ATF3: variants seen among roughly 807,000 people sequenced by gnomAD.
The protein encoded by ATF3 is activating transcription factor 3.
ATF3 carries 10 observed loss-of-function variants against 18.4 expected under a neutral mutation model. The ratio of observed to expected loss-of-function variants is 0.54; its 90% confidence interval spans 0.34 to 0.92. The LOEUF is 0.92. Ranked by LOEUF, ATF3 falls within the 40% of genes least tolerant of loss-of-function variation. The pLI is 0.02. For synonymous variants in ATF3, 78 were observed against 87.9 expected (o/e 0.89, Z 0.63); for missense variants, 183 against 222.3 (o/e 0.82, Z 1.12).
At chr1:212,604,365 A>G (rs142703009), upstream of ATF3, among the ~76,000 whole-genome samples, 1 of 152,250 alleles carries the variant, frequency 6.6e-6, no homozygotes, top group Non-Finnish European at 1.5e-5. Flanking sequence ...AATATCTGCT[A>G]CCTGGGTTTT....
chr1:212,601,632 G>A (rs1654486739), intron 1 of ATF3, among the ~76,000 whole-genome samples: 2 of 152,164 alleles, frequency 1.3e-5, no homozygotes, highest in Admixed American at 6.5e-5. Context: ...TTATTATAAG[G>A]ATGAAATAAG....
At chr1:212,599,095 A>G (rs1278287750) in intron 1 of ATF3, among the ~76,000 whole-genome samples, 1 of 152,230 alleles carries the variant, frequency 6.6e-6, no homozygotes, top group African/African-American at 2.4e-5. Context: ...TACGAGGGTT[A>G]ACTTTTCTGC....
At chr1:212,574,481 T>C (rs1421021645) in intron 1 of ATF3, among the ~76,000 whole-genome samples, 1 of 152,058 alleles carries the variant, frequency 6.6e-6, no homozygotes, top group African/African-American at 2.4e-5. Context: ...TATAATATCT[T>C]TTCATTTTGT....
chr1:212,579,041 T>G (rs1664632944), intron 1 of ATF3, among the ~76,000 whole-genome samples: 1 of 134,912 alleles, frequency 7.4e-6, no homozygotes, highest in Non-Finnish European at 1.5e-5. Context: ...AGACAGAGTC[T>G]CACTCTGTTG....
In ATF3 at chr1:212,599,625, G is replaced by A. The variant is rs28604355; in HGVS notation, c.-4-15393G>A. Among the ~76,000 whole-genome samples, 60 of 152,230 alleles carry A rather than the reference G, an allele frequency of 3.9e-4. No homozygotes were observed. In the East Asian group the frequency reaches 0.011, roughly 27 times the overall value. ...ATCCCCAACATGCTGATGGCTAGGGGCCATTCCCTTCTTTGACATCCCACT... is the reference window on the plus strand; with the variant it reads ...ATCCCCAACATGCTGATGGCTAGGGACCATTCCCTTCTTTGACATCCCACT... On this transcript the variant is annotated intron_variant, in intron 1 of 3. Transcript: ENST00000366981.
chr1:212,607,065 C>G (rs922919149), upstream of ATF3, among the ~76,000 whole-genome samples: 3 of 152,070 alleles, frequency 2.0e-5, no homozygotes, highest in Non-Finnish European at 2.9e-5. Flanking sequence ...AACTCCAGGG[C>G]TCCCGGGTCC....
At chr1:212,609,487 C>T (rs540011815) in intron 1 of ATF3, among the ~76,000 whole-genome samples, 1 of 152,200 alleles carries the variant, frequency 6.6e-6, no homozygotes, top group East Asian at 1.9e-4. Context: ...GCGTCCCGGG[C>T]GCGGCCGCTG....
intron 1 of ATF3, among the ~76,000 whole-genome samples, chr1:212,590,205 T>G (rs2102633106): frequency 6.6e-6 from 1 of 152,220 alleles, no homozygotes; most frequent in South Asian, 2.1e-4. Flanking sequence ...TGTTTGTTAA[T>G]TCTAGTTTCA....
chr1:212,597,927 A>G (rs1654359508), intron 1 of ATF3, among the ~76,000 whole-genome samples: 1 of 152,196 alleles, frequency 6.6e-6, no homozygotes, highest in Non-Finnish European at 1.5e-5. Context: ...GGCACATGGT[A>G]GGCATTCAAG....
intron 1 of ATF3, among the ~76,000 whole-genome samples, chr1:212,589,741 A>G (rs1158776346): frequency 1.3e-5 from 2 of 151,888 alleles, no homozygotes; most frequent in Non-Finnish European, 1.5e-5. Context: ...TTGACCAAGA[A>G]ACTGTTTTTA....
At position 212,618,159 on chromosome 1, in the gene ATF3, G is replaced by C. The variant is rs2102664692; in HGVS notation, c.273G>C (p.Arg91Ser). 1 of 1,614,150 alleles carries C rather than the reference G, an allele frequency of 6.2e-7. No individual in the cohort carries two copies. The highest frequency in any genetic ancestry group is 2.2e-5 in the East Asian group (1 of 44,882). ...CTGAAGAAGATGAAAGGAAAAAGAG[G>C]CGACGAGAAAGAAATAAGATTGCAG... ...VAPEEDERKK[R>S]RRERNKIAAA... Residue 91 changes from arginine (R) to serine (S), a missense_variant, in exon 3 of 4, where the codon AGG becomes AGC. Arg to Ser is a moderately radical substitution (Grantham distance 110). Transcript: ENST00000341491. This position sits in a 1 kb window ranked among gnomAD's most constrained non-coding sequence, Gnocchi z 4.4.
At chr1:212,592,034 C>T (rs6659445) in intron 1 of ATF3, among the ~76,000 whole-genome samples, 40,919 of 152,000 alleles carry the variant, frequency 0.27, 6,118 homozygotes, top group African/African-American at 0.41. Flanking sequence ...TAACCATTTG[C>T]AAGTGTACAA....
At chr1:212,568,371 C>T (rs889206537) in intron 1 of ATF3, among the ~76,000 whole-genome samples, 19 of 152,078 alleles carry the variant, frequency 1.2e-4, no homozygotes, top group Non-Finnish European at 2.8e-4. Context: ...TTTATTAAGC[C>T]TCGTCTCTTG....
chr1:212,571,967 C>A (rs1166743569), intron 1 of ATF3, among the ~76,000 whole-genome samples: 5 of 152,028 alleles, frequency 3.3e-5, no homozygotes, highest in Non-Finnish European at 7.4e-5. Context: ...CCGGCTCGGC[C>A]TCCCAAAGTG....
At chr1:212,589,802 C>T (rs1293963428) in intron 1 of ATF3, among the ~76,000 whole-genome samples, 1 of 143,198 alleles carries the variant, frequency 7.0e-6, no homozygotes, top group Non-Finnish European at 1.5e-5. Context: ...TCTTGGTCAA[C>T]TTTTTTTTTT....
intron 2 of ATF3, 35 bp downstream of exon 2, chr1:212,615,296 C>T: frequency 6.2e-7 from 1 of 1,606,868 alleles, no homozygotes; most frequent in Non-Finnish European, 8.5e-7. Flanking sequence ...TCTTTCGGCA[C>T]ATGTTTCGCT....
intron 1 of ATF3, among the ~76,000 whole-genome samples, chr1:212,602,530 C>T (rs1310302181): frequency 1.3e-5 from 2 of 152,118 alleles, no homozygotes; most frequent in Admixed American, 6.5e-5. Flanking sequence ...TGGTAGGTAT[C>T]GTGGTTGCGC....
intron 1 of ATF3, among the ~76,000 whole-genome samples, chr1:212,580,106 C>G (rs983241011): frequency 6.6e-6 from 1 of 151,304 alleles, no homozygotes; most frequent in African/African-American, 2.4e-5. Flanking sequence ...TGCAGTGAGC[C>G]GAGATCGAGC....
At chr1:212,605,447 C>T (rs1322180656), upstream of ATF3, among the ~76,000 whole-genome samples, 1 of 152,184 alleles carries the variant, frequency 6.6e-6, no homozygotes, top group Non-Finnish European at 1.5e-5. Flanking sequence ...TAGGTTGAGC[C>T]AGGCAGACAG....
Sources: gnomAD v4.1 joint callset for allele counts (sites outside exome capture counted in the v4.1 genomes callset) on GRCh38, gnomAD v4.1.1 for gene constraint, Gnocchi (gnomAD v3.1) non-coding constraint, MANE v1.5 for transcripts, NCBI Gene and HGNC (gene_info 2026-07-23, HGNC 2026-07-21) for gene names.